The following YWHAQ variants were observed in gnomAD, a reference collection of about 807,000 sequenced individuals.
YWHAQ encodes 14-3-3 protein theta.
In YWHAQ, 6 loss-of-function variants were observed where a neutral mutation model predicts 28.3. The ratio of observed to expected loss-of-function variants is 0.21; its 90% CI spans 0.12 to 0.42. YWHAQ has a LOEUF of 0.42. Among genes scored for constraint, YWHAQ ranks in the 10% least tolerant of loss-of-function variants. The pLI is 1.00. For synonymous variants in YWHAQ, 143 were observed against 119.1 expected, an observed-to-expected ratio of 1.20 and a Z score of -1.31; for missense variants, 201 against 305.6, an observed-to-expected ratio of 0.66 and a Z score of 2.55.
chr2:9,590,363 A>C (rs2125062558), intron 3 of YWHAQ, among the ~76,000 whole-genome samples: 1 of 152,364 alleles, frequency 6.6e-6, no homozygotes, highest in South Asian at 2.1e-4. Context: ...AAGGTATAAC[A>C]GTTTCTCAGG....
chr2:9,616,986 A>G (rs1667052076), intron 2 of YWHAQ, among the ~76,000 whole-genome samples: 1 of 152,104 alleles, frequency 6.6e-6, no homozygotes, highest in African/African-American at 2.4e-5. Context: ...TTGGAGACAG[A>G]GTCTTACTCT....
intron 3 of YWHAQ, among the ~76,000 whole-genome samples, chr2:9,590,547 T>C (rs1666435248): frequency 1.3e-5 from 2 of 152,184 alleles, no homozygotes; most frequent in African/African-American, 4.8e-5. Flanking sequence ...ACCTAGAACT[T>C]GATAAATCTG....
chr2:9,599,512 A>G (rs1666645128), intron 2 of YWHAQ, among the ~76,000 whole-genome samples: 1 of 152,186 alleles, frequency 6.6e-6, no homozygotes, highest in African/African-American at 2.4e-5. Flanking sequence ...GATGAAGCCA[A>G]TGCTCATTTA....
At chr2:9,612,734 G>C (rs1362635064) in intron 2 of YWHAQ, among the ~76,000 whole-genome samples, 2 of 152,174 alleles carry the variant, frequency 1.3e-5, no homozygotes, top group African/African-American at 4.8e-5. Context: ...AGTTTAAAAA[G>C]CAACACTAAG....
intron 2 of YWHAQ, among the ~76,000 whole-genome samples, chr2:9,602,863 ATATATAT>A (rs1423600972): frequency 1.3e-4 from 1 of 7,418 alleles, no homozygotes; most frequent in African/African-American, 4.0e-4. Context: ...AAAAAAAAAA[ATATATAT>A]ATATATATAT....
intron 2 of YWHAQ, among the ~76,000 whole-genome samples, chr2:9,619,851 C>G (rs781656449): frequency 6.6e-6 from 1 of 152,186 alleles, no homozygotes; most frequent in Admixed American, 6.5e-5. Flanking sequence ...AAGATCAGAA[C>G]ACCTAGTATA....
intron 2 of YWHAQ, among the ~76,000 whole-genome samples, chr2:9,613,955 T>A (rs1274643988): frequency 6.6e-6 from 1 of 152,236 alleles, no homozygotes; most frequent in African/African-American, 2.4e-5. Context: ...AGTAAGGGTA[T>A]GGGTGAGCTG....
At chr2:9,626,386 G>A (rs1348870976) in intron 2 of YWHAQ, among the ~76,000 whole-genome samples, 1 of 152,122 alleles carries the variant, frequency 6.6e-6, no homozygotes, top group East Asian at 1.9e-4. Flanking sequence ...TCACATCCAA[G>A]TTCTTCTTAA....
chr2:9,585,450 A>G, intron 5 of YWHAQ, 105 bp from the exon 6 acceptor site: 1 of 1,260,358 alleles, frequency 7.9e-7, no homozygotes, highest in Non-Finnish European at 1.1e-6. Flanking sequence ...AATTCCTCAA[A>G]CAATGGAGAT....
chr2:9,601,260 G>C (rs1008170568), intron 2 of YWHAQ, among the ~76,000 whole-genome samples: 1 of 152,118 alleles, frequency 6.6e-6, no homozygotes. Context: ...TCAAGGGTTT[G>C]AGACCAGCCT....
intron 2 of YWHAQ, among the ~76,000 whole-genome samples, chr2:9,625,640 C>A (rs900379026): frequency 1.2e-4 from 19 of 152,166 alleles, no homozygotes; most frequent in African/African-American, 4.6e-4. Context: ...CTTTATGCCT[C>A]ATTTTCCTCA....
intron 2 of YWHAQ, among the ~76,000 whole-genome samples, chr2:9,596,426 A>G (rs571179774): frequency 1.1e-4 from 17 of 152,322 alleles, no homozygotes; most frequent in Admixed American, 4.6e-4. Flanking sequence ...CATTTTACAG[A>G]GTAAATAAGC....
intron 2 of YWHAQ, among the ~76,000 whole-genome samples, chr2:9,621,695 A>G (rs1003145689): frequency 3.9e-5 from 6 of 152,192 alleles, no homozygotes; most frequent in African/African-American, 1.4e-4. Flanking sequence ...CATATCAACT[A>G]AAGAATACAA....
At chr2:9,593,236 C>CTTTTTTT (rs34085406) in intron 2 of YWHAQ, among the ~76,000 whole-genome samples, 4 of 114,938 alleles carry the variant, frequency 3.5e-5, no homozygotes, top group African/African-American at 1.3e-4. Context: ...GCATCCATGT[C>CTTTTTTT]TTTTTTTTTT....
At chr2:9,609,869 G>T (rs556386739) in intron 2 of YWHAQ, among the ~76,000 whole-genome samples, 216 of 152,230 alleles carry the variant, frequency 1.4e-3, no homozygotes, top group African/African-American at 4.9e-3. Context: ...ATTACTAAAA[G>T]AAACTTTTTT....
At chr2:9,603,333 G>A (rs1025712675) in intron 2 of YWHAQ, among the ~76,000 whole-genome samples, 7 of 148,780 alleles carry the variant, frequency 4.7e-5, no homozygotes, top group Non-Finnish European at 8.9e-5. Context: ...GCAGTGACAC[G>A]ATCTCAGCTC....
chr2:9,600,026 A>C lies in YWHAQ; in HGVS notation c.295-8511T>G, dbSNP rs552408869. On this transcript the variant is annotated intron_variant, in intron 2 of 5. Transcript: ENST00000238081. Reference sequence around the variant, plus strand: ...ATTAACATTAACAACAGTTTGGAAGAAGCTGATTTCTACTCTCATGAATGA... The same window carrying C: ...ATTAACATTAACAACAGTTTGGAAGCAGCTGATTTCTACTCTCATGAATGA... Among the ~76,000 whole-genome samples, 3 of 152,336 alleles carry C rather than the reference A, an allele frequency of 2.0e-5. No homozygotes were observed. The South Asian group carries it at 6.2e-4, about 32-fold the overall frequency.
chr2:9,585,697 CAGG>C (rs1454185780), intron 5 of YWHAQ, among the ~76,000 whole-genome samples: 1 of 152,034 alleles, frequency 6.6e-6, no homozygotes, highest in Non-Finnish European at 1.5e-5. Context: ...CGCATGAGGC[CAGG>C]AGTTCAACAG....
At chr2:9,597,983 C>CAA (rs1666610011) in intron 2 of YWHAQ, among the ~76,000 whole-genome samples, 1 of 79,090 alleles carries the variant, frequency 1.3e-5, no homozygotes, top group Non-Finnish European at 2.3e-5. Context: ...CCATGCCGGG[C>CAA]TATTTTTTTT....
Sources: gnomAD v4.1 joint callset for allele counts (sites outside exome capture counted in the v4.1 genomes callset) on GRCh38, gnomAD v4.1.1 for gene constraint, MANE v1.5 for transcripts, NCBI Gene and HGNC (gene_info 2026-07-23, HGNC 2026-07-21) for gene names.